Variants in KPRP observed in about 807,000 individuals in gnomAD.
KPRP encodes keratinocyte proline-rich protein.
For synonymous variants in KPRP, 282 were observed against 276.9 expected, an observed-to-expected ratio of 1.02 and a Z score of -0.18; for missense variants, 820 against 746.4, an observed-to-expected ratio of 1.10 and a Z score of -1.15.
At chr1:152,760,501 T>C (rs1557827872) in exon 1 of KPRP, 7 of 1,613,454 alleles carry the variant, frequency 4.3e-6, no homozygotes, top group Non-Finnish European at 5.9e-6. Flanking sequence ...TGAACCCATA[T>C]ATAACAGTCG....
exon 1 of KPRP, chr1:152,760,199 A>G (rs1420333605): frequency 1.2e-6 from 2 of 1,613,996 alleles, no homozygotes. Flanking sequence ...TGCAACAACT[A>G]CACCCCCCAG....
At chr1:152,760,715 C>T (rs745543771) in exon 1 of KPRP, 1 of 1,613,974 alleles carries the variant, frequency 6.2e-7, no homozygotes, top group South Asian at 1.1e-5. Context: ...CACGTAGAGC[C>T]ACGTCCACTC....
upstream of KPRP, among the ~76,000 whole-genome samples, chr1:152,758,576 G>A (rs1422993393): frequency 6.6e-6 from 1 of 152,152 alleles, no homozygotes; most frequent in East Asian, 1.9e-4. Context: ...ACAAGCAGAC[G>A]AGTGAGGCTG....
exon 1 of KPRP, chr1:152,760,690 C>T (rs1424469825): frequency 6.2e-7 from 1 of 1,613,444 alleles, no homozygotes. Context: ...CGCCTCCTGC[C>T]CTGAGCTGAG....
chr1:152,760,169 A>C, exon 1 of KPRP: 1 of 1,613,992 alleles, frequency 6.2e-7, no homozygotes, highest in Non-Finnish European at 8.5e-7. Flanking sequence ...TGTGGCCCCC[A>C]GTTTCAGTCA....
exon 1 of KPRP, chr1:152,760,142 A>T: frequency 6.2e-7 from 1 of 1,614,134 alleles, no homozygotes; most frequent in Non-Finnish European, 8.5e-7. Flanking sequence ...TGCCAGTATC[A>T]AGGCTCCTAT....
At chr1:152,758,132 G>A (rs1005993945), upstream of KPRP, among the ~76,000 whole-genome samples, 1 of 152,202 alleles carries the variant, frequency 6.6e-6, no homozygotes, top group African/African-American at 2.4e-5. Flanking sequence ...TCACAGTCGT[G>A]AGGCACAAAG....
chr1:152,759,530 A>G, upstream of KPRP: 1 of 1,558,748 alleles, frequency 6.4e-7, no homozygotes, highest in East Asian at 2.3e-5. Context: ...TCCAACTCTC[A>G]CCCTCCTGAC....
At position 152,761,522 on chromosome 1, in the gene KPRP, C is replaced by T. The variant is rs867976205; in HGVS notation, c.*194C>T. ...GGTCTCAGATGCCTCTCCAGCCTCA[C>T]GTGTCACTCCTCGCCCGTACGCATC... On this transcript the variant is annotated 3_prime_UTR_variant, in exon 1 of 1. Transcript: ENST00000606109. 113 of 1,047,062 alleles carry T rather than the reference C, an allele frequency of 1.1e-4. No individual in the cohort carries two copies. The African/African-American group carries it at 1.5e-3, about 14-fold the overall frequency. 64.9% of individuals were successfully genotyped at this position (1,047,062 alleles called of 1,614,324 possible). A position where few individuals can be genotyped will look rare whatever the true frequency, so the allele number is the denominator to read the frequency against.
rs772532743 is a variant in KPRP, at chr1:152,760,196, A to G, written c.608A>G (p.Asn203Ser). ...TTTCAGTCAAGGGCTACCTGCAACA[A>G]CTACACCCCCCAGTTCCAGTTGAGG... Residue 203 changes from asparagine (N) to serine (S), a missense_variant, in exon 1 of 1, where the codon AAC (asparagine) becomes AGC (serine). Physicochemically the swap from Asn to Ser is conservative, Grantham distance 46. Coordinates refer to ENST00000606109, the Ensembl canonical transcript of KPRP. 8.1e-6 allele frequency: 13 copies of G among 1,613,808 alleles called. 1 individual carries two copies. In the South Asian group the frequency reaches 1.2e-4, roughly 15 times the overall value.
Position 152,761,061 on chromosome 1 carries a change from C to CA in KPRP, c.1474dup (p.Arg492LysfsTer26), listed in dbSNP as rs1253362089. On this transcript the variant is annotated frameshift_variant, in exon 1 of 1. Coordinates refer to ENST00000606109, the Ensembl canonical transcript of KPRP. LOFTEE classifies it low-confidence loss of function (END_TRUNC). ...CGCCCTGCCCAAGCCCGGAGCCCTG[C>CA]AGGGAGACTTGGCGCAGCCCCAGCC... 6.2e-7 allele frequency: 1 copy of CA among 1,613,888 alleles called. No homozygotes were observed. Among genetic ancestry groups the CA allele is most frequent in the Non-Finnish European group, 8.5e-7 (1 of 1,180,034 alleles).
At chr1:152,760,403 C>A in exon 1 of KPRP, 3 of 1,614,134 alleles carry the variant, frequency 1.9e-6, no homozygotes, top group Non-Finnish European at 1.7e-6. Flanking sequence ...TGTTCCCCAC[C>A]AAGACGTTTT....
chr1:152,761,370 T>C, exon 1 of KPRP: 2 of 1,571,032 alleles, frequency 1.3e-6, no homozygotes, highest in Non-Finnish European at 1.7e-6. Context: ...GCTCTGAAAA[T>C]GTTGTTCCTC....
At chr1:152,760,484 G>A (rs765847056) in exon 1 of KPRP, 1 of 1,612,968 alleles carries the variant, frequency 6.2e-7, no homozygotes, top group East Asian at 2.2e-5. Context: ...ACCCCACCCC[G>A]CCGCTCTGAA....
At chr1:152,761,107 G>A (rs1254242464) in exon 1 of KPRP, 1 of 1,614,086 alleles carries the variant, frequency 6.2e-7, no homozygotes, top group East Asian at 2.2e-5. Flanking sequence ...CCCAAATCCA[G>A]TTCCATACCC....
At chr1:152,761,309 C>A (rs762623080) in exon 1 of KPRP, 1 of 1,613,328 alleles carries the variant, frequency 6.2e-7, no homozygotes, top group South Asian at 1.1e-5. Context: ...AAAGGGGAAG[C>A]AAAGAGTGCT....
exon 1 of KPRP, chr1:152,760,848 G>A (rs1231545912): frequency 1.9e-6 from 3 of 1,613,974 alleles, no homozygotes; most frequent in Non-Finnish European, 8.5e-7. Context: ...AACCACGCCC[G>A]CGTCCTCTAC....
chr1:152,761,255 G>T (rs777726010), exon 1 of KPRP: 6 of 1,614,096 alleles, frequency 3.7e-6, no homozygotes, highest in Admixed American at 1.7e-5. Flanking sequence ...GAGCGGAGGG[G>T]TCAGGATGGC....
At position 152,760,250 on chromosome 1, in the gene KPRP, A is replaced by G. The variant is rs530218504; in HGVS notation, c.662A>G (p.Tyr221Cys). ...TCCTACAGCAGCTGTTTCCCTCAGT[A>G]TCGGTCCCGGACTTCATTTAGTCCC... is the stretch of plus-strand genomic sequence containing the variant. The change falls in exon 1 of 1, where the codon TAT (tyrosine) becomes TGT (cysteine). Residue 221 changes from tyrosine to cysteine, a missense_variant. Coordinates refer to ENST00000606109, the Ensembl canonical transcript of KPRP. 1.2e-6 allele frequency: 2 copies of G among 1,614,036 alleles called. No homozygotes were observed. The highest frequency in any genetic ancestry group is 2.7e-5 in the African/African-American group (2 of 75,020).
Sources: allele counts gnomAD v4.1 joint callset (sites outside exome capture counted in the v4.1 genomes callset), GRCh38; gene constraint gnomAD v4.1.1; transcripts MANE v1.5; gene names NCBI Gene and HGNC (gene_info 2026-07-23, HGNC 2026-07-21).